HELQ: variants seen among roughly 807,000 people sequenced by gnomAD.
HELQ encodes helicase POLQ-like.
Under a neutral mutation model 111.6 loss-of-function variants are expected in HELQ, and 77 were observed. The observed-to-expected ratio is 0.69, with a 90% CI of 0.57 to 0.83. HELQ has a LOEUF of 0.83. Among genes scored for constraint, HELQ ranks in the 40% least tolerant of loss-of-function variants. The pLI is 0.00. For synonymous variants in HELQ, 438 were observed against 454.7 expected (o/e 0.96, Z 0.47); for missense variants, 1,200 against 1,288.5 (o/e 0.93, Z 1.05).
intron 15 of HELQ, 152 bp from the exon 16 acceptor site, chr4:83,418,358 A>G (rs1450523857): frequency 2.2e-6 from 1 of 445,752 alleles, no homozygotes. Context: ...AGCAAAACAG[A>G]TGTGAAGAAA....
intron 9 of HELQ, among the ~76,000 whole-genome samples, chr4:83,434,264 G>T (rs1325909108): frequency 1.3e-5 from 2 of 151,738 alleles, no homozygotes; most frequent in South Asian, 4.2e-4. Flanking sequence ...CCAGCTACTT[G>T]GGAGGCTGAG....
chr4:83,437,159 T>C, intron 8 of HELQ, 62 bp from the exon 9 acceptor site: 1 of 1,507,320 alleles, frequency 6.6e-7, no homozygotes, highest in African/African-American at 1.4e-5. Flanking sequence ...ATTTCTACCA[T>C]TTTCATTTTA....
At chr4:83,410,081 C>T (rs899907439) in intron 17 of HELQ, among the ~76,000 whole-genome samples, 4 of 151,936 alleles carry the variant, frequency 2.6e-5, no homozygotes, top group Non-Finnish European at 5.9e-5. Flanking sequence ...TGAGACCAAG[C>T]CTCTACAACA....
chr4:83,433,671 A>G lies in HELQ; in HGVS notation c.2049-1404T>C, dbSNP rs1375058751. Among the ~76,000 whole-genome samples, 13 of 150,846 alleles carry G rather than the reference A, an allele frequency of 8.6e-5. No homozygotes were observed. In the East Asian group the frequency reaches 2.5e-3, roughly 29 times the overall value. ...ACAGAGCGAGACTCCGTCTCAAAAA[A>G]AAAAAAAAAAAAAAAAGGAGTAGAC... On this transcript the variant is annotated intron_variant, in intron 9 of 17. Coordinates refer to ENST00000295488, the MANE Select transcript of HELQ (RefSeq NM_133636.5).
intron 17 of HELQ, among the ~76,000 whole-genome samples, chr4:83,412,207 T>C (rs1282804041): frequency 6.6e-6 from 1 of 152,232 alleles, no homozygotes; most frequent in Admixed American, 6.5e-5. Context: ...ATGGTTATCC[T>C]ATTTCTAGTT....
intron 12 of HELQ, among the ~76,000 whole-genome samples, chr4:83,429,313 AT>A (rs953823870): frequency 1.3e-5 from 2 of 151,602 alleles, no homozygotes; most frequent in Admixed American, 6.6e-5. Flanking sequence ...TGCCTGGCTA[AT>A]TTTTTTTGTA....
chr4:83,428,683 C>T (rs767141544), intron 12 of HELQ, among the ~76,000 whole-genome samples: 6 of 152,132 alleles, frequency 3.9e-5, no homozygotes, highest in South Asian at 2.1e-4. Flanking sequence ...TGTGTTGTCT[C>T]ATGCCTGTAA....
At chr4:83,416,622 T>C in intron 17 of HELQ, 109 bp downstream of exon 17, 3 of 1,072,082 alleles carry the variant, frequency 2.8e-6, no homozygotes, top group Admixed American at 2.4e-5. Context: ...TTTGTATCTA[T>C]AGAAATAAAC....
Position 83,426,100 on chromosome 4 carries a change from GA to G in HELQ, c.2677-9del, listed in dbSNP as rs1437274582. On this transcript the variant is annotated splice_polypyrimidine_tract_variant and intron_variant, in intron 13 of 17. Transcript: ENST00000295488. ...TGGACTGAGTTGGCTAAACTACATG[GA>G]AAAAGAGCAAATAGATGGAAACATC... The G allele has an allele frequency of 2.0e-6, 3 of 1,472,146 alleles. No homozygotes were observed. Among genetic ancestry groups the G allele is most frequent in the African/African-American group, 2.8e-5 (2 of 71,462 alleles). The allele number at this position is 1,472,146 out of a possible 1,614,324, so 91.2% of individuals were successfully genotyped here. A position where few individuals can be genotyped will look rare whatever the true frequency, so the allele number is the denominator to read the frequency against.
intron 1 of HELQ, chr4:83,455,132 C>T: frequency 2.0e-6 from 1 of 492,724 alleles, no homozygotes; most frequent in Non-Finnish European, 3.5e-6. Context: ...TTTATTTGTA[C>T]AGTAGGAGCT....
At chr4:83,420,536 A>G (rs966709209) in intron 15 of HELQ, among the ~76,000 whole-genome samples, 6 of 151,988 alleles carry the variant, frequency 3.9e-5, no homozygotes, top group Non-Finnish European at 8.8e-5. Context: ...TGTAATCCCA[A>G]CACTTTGCGA....
intron 8 of HELQ, among the ~76,000 whole-genome samples, chr4:83,437,846 ATAT>A (rs1392680373): frequency 1.3e-5 from 2 of 152,206 alleles, no homozygotes; most frequent in Admixed American, 6.5e-5. Flanking sequence ...GGAAACATAC[ATAT>A]TATTAAATCA....
At chr4:83,415,717 C>T (rs1312653253) in intron 17 of HELQ, among the ~76,000 whole-genome samples, 1 of 152,064 alleles carries the variant, frequency 6.6e-6, no homozygotes, top group African/African-American at 2.4e-5. Flanking sequence ...ACTACAACCT[C>T]CACCTCCTGG....
chr4:83,441,768 G>GTT (rs1446974049), intron 6 of HELQ, among the ~76,000 whole-genome samples: 9 of 136,962 alleles, frequency 6.6e-5, no homozygotes, highest in African/African-American at 2.1e-4. Context: ...CTAAAACTTT[G>GTT]TCTTTTTTTT....
chr4:83,418,004 C>T, intron 16 of HELQ, 89 bp downstream of exon 16: 1 of 591,056 alleles, frequency 1.7e-6, no homozygotes. Context: ...GCTATCACTT[C>T]CTCTGTATTA....
chr4:83,432,398 C>T (rs1720201398), intron 9 of HELQ, 131 bp from the exon 10 acceptor site: 1 of 524,076 alleles, frequency 1.9e-6, no homozygotes, highest in Non-Finnish European at 3.0e-6. Flanking sequence ...CTAGTGTTTA[C>T]CAAGAATCTA....
chr4:83,447,474 T>C (rs371337288), intron 3 of HELQ, among the ~76,000 whole-genome samples: 102 of 152,276 alleles, frequency 6.7e-4, no homozygotes, highest in Non-Finnish European at 1.1e-3. Flanking sequence ...AGGCAAGACA[T>C]ACGTAAGAAA....
Position 83,455,763 on chromosome 4 carries a change from G to C in HELQ, c.-70C>G. 4.2e-6 allele frequency: 6 copies of C among 1,444,536 alleles called. No individual in the cohort carries two copies. The highest frequency in any genetic ancestry group is 5.7e-6 in the Non-Finnish European group (6 of 1,061,236). The allele number at this position is 1,444,536 out of a possible 1,614,324, so 89.5% of individuals were successfully genotyped here. A position where few individuals can be genotyped will look rare whatever the true frequency, so the allele number is the denominator to read the frequency against. On this transcript the variant is annotated 5_prime_UTR_variant, in exon 1 of 18. Transcript: ENST00000295488. ...AGACGCTAAGCCCATATGGAAGGGA[G>C]AGTGGGACGCCGGAGCCCGCTTCTA... is the stretch of plus-strand genomic sequence containing the variant.
At chr4:83,444,682 T>G (rs1720958900) in intron 5 of HELQ, among the ~76,000 whole-genome samples, 1 of 152,200 alleles carries the variant, frequency 6.6e-6, no homozygotes, top group African/African-American at 2.4e-5. Context: ...TCCTATGTCT[T>G]GAAATGATCA....
Sources: gnomAD v4.1 joint callset for allele counts (sites outside exome capture counted in the v4.1 genomes callset) on GRCh38, gnomAD v4.1.1 for gene constraint, MANE v1.5 for transcripts, NCBI Gene and HGNC (gene_info 2026-07-23, HGNC 2026-07-21) for gene names.